The following AFF2 variants were observed in gnomAD, a reference collection of about 807,000 sequenced individuals.
AFF2 encodes the protein AF4/FMR2 family member 2.
A neutral mutation model predicts 76.9 loss-of-function variants in AFF2; 14 were observed. The observed-to-expected ratio is 0.18, with a 90% CI of 0.12 to 0.28. The LOEUF is 0.28. AFF2 is among the 10% of genes least tolerant of loss of function. AFF2 has a pLI of 1.00. For missense variants in AFF2, 868 were observed against 1,001.1 expected (o/e 0.87, Z 1.79); for synonymous variants, 398 against 366.7 (o/e 1.09, Z -0.98).
intron 3 of AFF2, among the ~76,000 whole-genome samples, chrX:148,806,100 A>G (rs782489694): frequency 1.3e-4 from 15 of 113,036 alleles, no homozygotes; most frequent in African/African-American, 4.8e-4. Flanking sequence ...AACGGGCAGC[A>G]GTTCTAATCC....
At position 148,520,659 on chromosome X, in the gene AFF2, G is replaced by A. The variant is rs192995517; in HGVS notation, c.47+19515G>A. 5.0e-3 allele frequency among the ~76,000 whole-genome samples: 567 copies of A among 112,417 alleles called. 3 individuals are homozygous for A. Among genetic ancestry groups the A allele is most frequent in the Non-Finnish European group, 7.2e-3 (386 of 53,268 alleles). ...CTTTCACTGAACTCTGTAGAAGAAAGGCCTTTATCCTTATTTGTTATGTGA... is the reference window on the plus strand; with the variant it reads ...CTTTCACTGAACTCTGTAGAAGAAAAGCCTTTATCCTTATTTGTTATGTGA... On this transcript the variant is annotated intron_variant, in intron 1 of 20. Coordinates refer to ENST00000370460, the MANE Select transcript of AFF2 (RefSeq NM_002025.4).
At chrX:148,784,013 A>G (rs2069780263) in intron 3 of AFF2, among the ~76,000 whole-genome samples, 1 of 111,884 alleles carries the variant, frequency 8.9e-6, no homozygotes, top group African/African-American at 3.3e-5. Context: ...TCTGGGAGCA[A>G]ATGCCCCACA....
chrX:148,556,946 G>A (rs782357245), intron 1 of AFF2, among the ~76,000 whole-genome samples: 2 of 112,185 alleles, frequency 1.8e-5, no homozygotes, highest in East Asian at 2.8e-4. Flanking sequence ...TTCATTTCTT[G>A]ATGGTAGTGG....
intron 3 of AFF2, among the ~76,000 whole-genome samples, chrX:148,698,797 G>GTTTTTTTTTTTTTTTT (rs142604433): frequency 9.8e-5 from 7 of 71,690 alleles, no homozygotes; most frequent in Non-Finnish European, 1.1e-4. Context: ...GAGTTCTAGT[G>GTTTTTTTTTTTTTTTT]TTTTTTTTTT....
intron 3 of AFF2, among the ~76,000 whole-genome samples, chrX:148,773,708 A>AAGAAAG (rs1338461588): frequency 1.0e-5 from 1 of 95,671 alleles, no homozygotes; most frequent in Non-Finnish European, 2.0e-5. Flanking sequence ...GAAAGAAAGA[A>AAGAAAG]AGAAAGAAAG....
chrX:148,606,560 G>A (rs2053674378), intron 1 of AFF2, among the ~76,000 whole-genome samples: 1 of 109,900 alleles, frequency 9.1e-6, no homozygotes, highest in Admixed American at 9.6e-5. Context: ...AACCCAACCT[G>A]CTTTTTAGTA....
At chrX:148,666,622 A>C (rs2054363168) in intron 3 of AFF2, among the ~76,000 whole-genome samples, 1 of 109,359 alleles carries the variant, frequency 9.1e-6, no homozygotes, top group Non-Finnish European at 1.9e-5. Flanking sequence ...ATAAATAAAT[A>C]AATAAATAAC....
At chrX:148,603,494 A>G (rs1255788860) in intron 1 of AFF2, among the ~76,000 whole-genome samples, 5 of 107,355 alleles carry the variant, frequency 4.7e-5, no homozygotes, top group African/African-American at 1.7e-4. Flanking sequence ...GGTTTTGAAA[A>G]CTCTGATGCC....
intron 3 of AFF2, among the ~76,000 whole-genome samples, chrX:148,754,861 A>T: frequency 8.9e-6 from 1 of 111,905 alleles, no homozygotes; most frequent in Non-Finnish European, 1.9e-5. Flanking sequence ...GCCCTCCGGA[A>T]GCTCATAATC....
At chrX:148,572,921 G>T (rs1408461154) in intron 1 of AFF2, among the ~76,000 whole-genome samples, 1 of 110,587 alleles carries the variant, frequency 9.0e-6, no homozygotes, top group Non-Finnish European at 1.9e-5. Context: ...TTATATCTCA[G>T]GAAAGTTTTT....
intron 9 of AFF2, among the ~76,000 whole-genome samples, chrX:148,905,569 C>G (rs920404100): frequency 8.9e-6 from 1 of 112,247 alleles, no homozygotes; most frequent in Non-Finnish European, 1.9e-5. Flanking sequence ...GATTAGTGAT[C>G]TTCTTTCCTG....
At chrX:148,720,011 C>T (rs2055071880) in intron 3 of AFF2, among the ~76,000 whole-genome samples, 1 of 111,227 alleles carries the variant, frequency 9.0e-6, no homozygotes, top group Non-Finnish European at 1.9e-5. Context: ...CAGCCTCTTC[C>T]ATTCCCCCAA....
rs182802211 is a variant in AFF2 at position 148,803,496 on chromosome X, A to T, written c.1042-6380A>T. Among the ~76,000 whole-genome samples, 667 of 111,701 alleles carry T rather than the reference A, an allele frequency of 6.0e-3. 7 individuals carry two copies. The highest frequency in any genetic ancestry group is 0.021 in the African/African-American group (634 of 30,730). The stretch of plus-strand genomic sequence containing the variant: ...ATCCTTGAGGGAATGTGAGCCAGGC[A>T]GCAAGGTGCTTCCAGATAGGTTCTT... On this transcript the variant is annotated intron_variant, in intron 3 of 20. Coordinates refer to ENST00000370460, the MANE Select transcript of AFF2 (RefSeq NM_002025.4).
At chrX:148,663,542 T>TA (rs1268780050) in intron 3 of AFF2, among the ~76,000 whole-genome samples, 1 of 112,431 alleles carries the variant, frequency 8.9e-6, no homozygotes, top group Non-Finnish European at 1.9e-5. Flanking sequence ...AATGATTGGA[T>TA]TCCAGGCCTT....
chrX:148,985,182 A>T (rs1320032009), intron 19 of AFF2, among the ~76,000 whole-genome samples: 2 of 100,610 alleles, frequency 2.0e-5, no homozygotes, highest in East Asian at 6.4e-4. Flanking sequence ...ACGGGGTTTC[A>T]CCATGTTGGC....
At chrX:148,950,717 T>C (rs969092777) in intron 9 of AFF2, among the ~76,000 whole-genome samples, 2 of 112,154 alleles carry the variant, frequency 1.8e-5, no homozygotes, top group African/African-American at 6.5e-5. Flanking sequence ...TAATTTCAGG[T>C]CTCATTTCAT....
chrX:148,574,501 C>T (rs1331134909), intron 1 of AFF2, among the ~76,000 whole-genome samples: 2 of 111,571 alleles, frequency 1.8e-5, no homozygotes, highest in African/African-American at 6.5e-5. Context: ...AGTCAATGAC[C>T]TGGAAATCTT....
intron 8 of AFF2, among the ~76,000 whole-genome samples, chrX:148,896,505 C>T (rs1315420903): frequency 8.9e-6 from 1 of 112,060 alleles, no homozygotes; most frequent in African/African-American, 3.2e-5. Flanking sequence ...ATGGCAGCAA[C>T]TATCTTCCAA....
At position 148,718,699 on chromosome X, in the gene AFF2, AT is replaced by A. The variant is rs782651399; in HGVS notation, c.1041+55940del. The stretch of plus-strand genomic sequence containing the variant: ...TTCTATGTGTGTTTGCATATTTATA[AT>A]TTTTTTTTATTTTATGATAGTACAC... On this transcript the variant is annotated intron_variant, in intron 3 of 20. Transcript: ENST00000370460. Among the ~76,000 whole-genome samples, 224 of 110,812 alleles carry A rather than the reference AT, an allele frequency of 2.0e-3. 1 individual carries two copies. The highest frequency in any genetic ancestry group is 3.3e-3 in the Non-Finnish European group (174 of 52,721).
Sources: gnomAD v4.1 joint callset for allele counts (sites outside exome capture counted in the v4.1 genomes callset) on GRCh38, gnomAD v4.1.1 for gene constraint, MANE v1.5 for transcripts, NCBI Gene and HGNC (gene_info 2026-07-23, HGNC 2026-07-21) for gene names.